The following XPO5 variants were observed in gnomAD, a reference collection of about 807,000 sequenced individuals.
XPO5 encodes exportin 5.
In XPO5, 46 loss-of-function variants were observed where a neutral mutation model predicts 160.6. The ratio of observed to expected loss-of-function variants is 0.29; its 90% CI spans 0.23 to 0.37. The LOEUF is 0.37. XPO5 is among the 10% of genes least tolerant of loss of function. The pLI is 1.00. For missense variants in XPO5, 1,090 were observed against 1,463.9 expected, an observed-to-expected ratio of 0.74 and a Z score of 4.17; for synonymous variants, 537 against 519.3, an observed-to-expected ratio of 1.03 and a Z score of -0.46.
At chr6:43,525,343 GC>G in intron 28 of XPO5, 129 bp from the exon 29 acceptor site, 1 of 863,556 alleles carries the variant, frequency 1.2e-6, no homozygotes. Context: ...TTGTTTTGTT[GC>G]CCAGGCTGGT....
In XPO5 at chr6:43,541,322, T is replaced by C. The variant is rs77301658; in HGVS notation, c.2342+5249A>G. 9.5e-4 allele frequency among the ~76,000 whole-genome samples: 144 copies of C among 152,364 alleles called. 1 individual carries two copies. In the East Asian group the frequency reaches 0.017, roughly 18 times the overall value. On this transcript the variant is annotated intron_variant, in intron 20 of 31. Transcript: ENST00000265351. ...TGAGGGGATGGATACCCCATTTTAATTGATGTGATTATTATTATGCATTGC... is the reference window on the plus strand; with the variant it reads ...TGAGGGGATGGATACCCCATTTTAACTGATGTGATTATTATTATGCATTGC...
intron 8 of XPO5, among the ~76,000 whole-genome samples, chr6:43,563,022 TAA>T (rs1194128579): frequency 6.6e-6 from 1 of 152,162 alleles, no homozygotes; most frequent in Non-Finnish European, 1.5e-5. Flanking sequence ...GGACCAAAAG[TAA>T]AGAGTATCAA....
rs535166773 is a variant in XPO5 at position 43,560,357 on chromosome 6, GATT to G, written c.1096-57_1096-55del. ...AAGGATTTGGATTCTATATAACCCAGATTATTACTTAGCAGTTATCAACTACAT... is the reference window on the plus strand; with the variant it reads ...AAGGATTTGGATTCTATATAACCCAGATTACTTAGCAGTTATCAACTACAT... On this transcript the variant is annotated intron_variant, in intron 10 of 31. Transcript: ENST00000265351. The G allele has an allele frequency of 6.1e-3, 9,215 of 1,522,218 alleles. 84 individuals are homozygous for G. The highest frequency in any genetic ancestry group is 6.9e-3 in the Non-Finnish European group (7,861 of 1,138,460). 94.3% of individuals were successfully genotyped at this position (1,522,218 alleles called of 1,614,324 possible).
intron 6 of XPO5, among the ~76,000 whole-genome samples, chr6:43,568,146 A>C (rs1762798020): frequency 6.6e-6 from 1 of 151,752 alleles, no homozygotes; most frequent in African/African-American, 2.4e-5. Flanking sequence ...GTCTCTACTA[A>C]AAATACAAAA....
rs370562231 is a variant in XPO5 at position 43,560,195 on chromosome 6, T to C, written c.1204A>G (p.Met402Val). Residue 402 changes from methionine (M) to valine (V), a missense_variant, in exon 11 of 32, where the codon ATG becomes GTG. Met to Val is a conservative substitution (Grantham distance 21). Coordinates refer to ENST00000265351, the MANE Select transcript of XPO5 (RefSeq NM_020750.3). ...TTATATACCTTGACCAAGTTAGTCA[T>C]GGAAGCACGAAGATATTTTGGTATT... Reference protein sequence around the residue: ...AIIPKYLRASMTNLVKMGFPS... With the variant: ...AIIPKYLRASVTNLVKMGFPS... The C allele has an allele frequency of 1.1e-4, 185 of 1,612,594 alleles. No homozygotes were observed. The highest frequency in any genetic ancestry group is 1.4e-4 in the Non-Finnish European group (170 of 1,179,304).
At chr6:43,538,139 C>CTTATTTTT (rs1794462064) in intron 20 of XPO5, among the ~76,000 whole-genome samples, 5 of 48,938 alleles carry the variant, frequency 1.0e-4, no homozygotes, top group African/African-American at 4.1e-4. Flanking sequence ...TAAGAGACAT[C>CTTATTTTT]TTTTTTTTTT....
In XPO5 at chr6:43,522,770, A is replaced by C. The variant is rs1561860168; in HGVS notation, c.*1098T>G. On this transcript the variant is annotated 3_prime_UTR_variant, in exon 32 of 32. Transcript: ENST00000265351. ...GTTTTTGTGCAGAGCACATGGACAC[A>C]CTGGTTTCTGTATGGATTAACTCTG... The C allele has an allele frequency of 2.1e-6, 1 of 468,804 alleles. No individual in the cohort carries two copies. Among genetic ancestry groups the C allele is most frequent in the South Asian group, 1.6e-5 (1 of 64,266 alleles). 29.0% of individuals were successfully genotyped at this position (468,804 alleles called of 1,614,324 possible).
At position 43,522,619 on chromosome 6, in the gene XPO5, T is replaced by G. The variant is rs892274085; in HGVS notation, c.*1249A>C. On this transcript the variant is annotated 3_prime_UTR_variant, in exon 32 of 32. Coordinates refer to ENST00000265351, the MANE Select transcript of XPO5 (RefSeq NM_020750.3). ...CAACACAAGACTCCCAACTTCTGCT[T>G]CCCCAGCTTTGCTTCTTCTCAATCT... The G allele has an allele frequency of 4.8e-5, 19 of 396,296 alleles. No individual in the cohort carries two copies. The highest frequency in any genetic ancestry group is 9.5e-5 in the Non-Finnish European group (17 of 179,876). The allele number at this position is 396,296 out of a possible 1,614,324, so 24.5% of individuals were successfully genotyped here. A position where few individuals can be genotyped will look rare whatever the true frequency, so the allele number is the denominator to read the frequency against.
rs369932860 is a variant in XPO5, at chr6:43,525,297, G to GT, written c.3067-84dup. 152,977 of 982,422 alleles carry GT rather than the reference G, an allele frequency of 0.16. 404 individuals are homozygous for GT. Among genetic ancestry groups the GT allele is most frequent in the South Asian group, 0.19 (8,679 of 45,266 alleles). 60.9% of individuals were successfully genotyped at this position (982,422 alleles called of 1,614,324 possible). On this transcript the variant is annotated intron_variant, in intron 28 of 31. Transcript: ENST00000265351. The stretch of plus-strand genomic sequence containing the variant: ...ATTATTACACATCAGGAGCCGGAGG[G>GT]TTTTTTTTTTTTCCTCCCCCCCTCT...
chr6:43,560,072 G>C (rs2127743723), intron 11 of XPO5, 106 bp downstream of exon 11: 1 of 1,375,962 alleles, frequency 7.3e-7, no homozygotes, highest in Non-Finnish European at 9.8e-7. Context: ...TCCCGCCTCA[G>C]CCTTCCATAG....
At chr6:43,557,666 A>G (rs1261723021) in intron 12 of XPO5, among the ~76,000 whole-genome samples, 3 of 151,926 alleles carry the variant, frequency 2.0e-5, no homozygotes, top group African/African-American at 7.3e-5. Context: ...TGAAAATATA[A>G]TCTAAAATTG....
At chr6:43,552,970 ATC>A (rs1795322339) in intron 14 of XPO5, among the ~76,000 whole-genome samples, 1 of 150,166 alleles carries the variant, frequency 6.7e-6, no homozygotes, top group South Asian at 2.1e-4. Flanking sequence ...GCCTCTCTAA[ATC>A]TGTTTCCTCT....
At chr6:43,553,580 C>T in intron 13 of XPO5, 77 bp from the exon 14 acceptor site, 1 of 1,500,096 alleles carries the variant, frequency 6.7e-7, no homozygotes, top group Non-Finnish European at 8.9e-7. Context: ...GCAGAAGACA[C>T]AGAGAGACAA....
At position 43,575,905 on chromosome 6, in the gene XPO5, C is replaced by G. The variant is rs777969290; in HGVS notation, c.-41G>C. 2.1e-5 allele frequency: 34 copies of G among 1,594,732 alleles called. No individual in the cohort carries two copies. In the Admixed American group the frequency reaches 5.6e-4, roughly 26 times the overall value. On this transcript the variant is annotated 5_prime_UTR_variant, in exon 1 of 32. Transcript: ENST00000265351. Reference sequence around the variant, plus strand: ...CCGAGAGCGCACACCACTGCAGTCCCGGGACCACGAGGCACGACAGCTCCC... The same window carrying G: ...CCGAGAGCGCACACCACTGCAGTCCGGGGACCACGAGGCACGACAGCTCCC...
At chr6:43,524,037 T>G in intron 31 of XPO5, 32 bp from the exon 32 acceptor site, 1 of 1,604,156 alleles carries the variant, frequency 6.2e-7, no homozygotes, top group Non-Finnish European at 8.5e-7. Flanking sequence ...GAATTAATGC[T>G]GGGCCCTCAG....
intron 26 of XPO5, 154 bp from the exon 27 acceptor site, chr6:43,526,901 G>A (rs1180306730): frequency 2.6e-5 from 18 of 703,274 alleles, no homozygotes; most frequent in Non-Finnish European, 5.0e-6. Context: ...TTCACCAATA[G>A]AAATAGAGGC....
rs993088056 is a variant in XPO5 at position 43,523,269 on chromosome 6, G to A, written c.*599C>T. 8.9e-6 allele frequency: 2 copies of A among 223,966 alleles called. No individual in the cohort carries two copies. Among genetic ancestry groups the A allele is most frequent in the Admixed American group, 1.0e-4 (2 of 19,206 alleles). 13.9% of individuals were successfully genotyped at this position (223,966 alleles called of 1,614,324 possible). A position where few individuals can be genotyped will look rare whatever the true frequency, so the allele number is the denominator to read the frequency against. On this transcript the variant is annotated 3_prime_UTR_variant, in exon 32 of 32. Coordinates refer to ENST00000265351, the MANE Select transcript of XPO5 (RefSeq NM_020750.3). ...ACTGTGCCAAGTTTAGCAGTAGCCTGTACCATGGATCCCATCAGGTGACCA... is the reference window on the plus strand; with the variant it reads ...ACTGTGCCAAGTTTAGCAGTAGCCTATACCATGGATCCCATCAGGTGACCA...
intron 20 of XPO5, among the ~76,000 whole-genome samples, chr6:43,536,534 G>A (rs970454753): frequency 2.6e-5 from 4 of 151,508 alleles, no homozygotes; most frequent in African/African-American, 9.7e-5. Flanking sequence ...CGAGGTGGGT[G>A]GATCACGAGG....
intron 13 of XPO5, 125 bp downstream of exon 13, chr6:43,555,711 C>A (rs1762044668): frequency 1.7e-6 from 2 of 1,201,294 alleles, no homozygotes; most frequent in East Asian, 5.3e-5. Context: ...CCAGGATGAG[C>A]AAAGCTATTT....
Sources: gnomAD v4.1 joint callset for allele counts (sites outside exome capture counted in the v4.1 genomes callset) on GRCh38, gnomAD v4.1.1 for gene constraint, MANE v1.5 for transcripts, NCBI Gene and HGNC (gene_info 2026-07-23, HGNC 2026-07-21) for gene names.